Variants in IGSF21 observed in about 807,000 individuals in gnomAD.
IGSF21 encodes the protein immunoglobulin superfamily member 21.
A neutral mutation model predicts 46.8 loss-of-function variants in IGSF21; 28 were observed. The observed-to-expected ratio is 0.60, with a 90% CI of 0.44 to 0.82. IGSF21 has a LOEUF of 0.82. Among genes scored for constraint, IGSF21 ranks in the 40% least tolerant of loss-of-function variants. IGSF21 has a pLI of 0.00. For missense variants in IGSF21, 624 were observed against 665.5 expected, an observed-to-expected ratio of 0.94 and a Z score of 0.69; for synonymous variants, 284 against 273.6, an observed-to-expected ratio of 1.04 and a Z score of -0.38.
chr1:18,117,922 G>T (rs76523153), intron 1 of IGSF21, among the ~76,000 whole-genome samples: 2 of 152,176 alleles, frequency 1.3e-5, no homozygotes, highest in African/African-American at 2.4e-5. Context: ...AGCATGATGT[G>T]GGGGGCAGGT....
At chr1:18,357,170 A>G (rs900644029) in intron 4 of IGSF21, among the ~76,000 whole-genome samples, 1 of 130,156 alleles carries the variant, frequency 7.7e-6, no homozygotes, top group African/African-American at 2.9e-5. Flanking sequence ...GGGGATAAAG[A>G]TGGGGGAAGA....
Position 18,108,099 on chromosome 1 carries a change from C to A in IGSF21, c.-30C>A. On this transcript the variant is annotated 5_prime_UTR_variant, in exon 1 of 10. Coordinates refer to ENST00000251296, the MANE Select transcript of IGSF21 (RefSeq NM_032880.5). The stretch of plus-strand genomic sequence containing the variant: ...GCCGCCACCGCCTCCACCCCCGCCG[C>A]CCCGCCACCGCCGCCAGCTCCCGGG... 1 of 1,186,668 alleles carries A rather than the reference C, an allele frequency of 8.4e-7. No homozygotes were observed. Among genetic ancestry groups the A allele is most frequent in the South Asian group, 1.6e-5 (1 of 61,016 alleles). The allele number at this position is 1,186,668 out of a possible 1,614,324, so 73.5% of individuals were successfully genotyped here.
At chr1:18,234,249 A>T (rs1207458524) in intron 2 of IGSF21, among the ~76,000 whole-genome samples, 1 of 152,208 alleles carries the variant, frequency 6.6e-6, no homozygotes, top group Admixed American at 6.5e-5. Flanking sequence ...AGCCAACCCA[A>T]CTTGCCTTGT....
intron 4 of IGSF21, among the ~76,000 whole-genome samples, chr1:18,339,599 C>T (rs1569841010): frequency 6.6e-6 from 1 of 152,020 alleles, no homozygotes. Context: ...GTGGTATGTG[C>T]CTGTAGTCCC....
At chr1:18,216,482 T>A (rs567148223) in intron 1 of IGSF21, among the ~76,000 whole-genome samples, 2 of 152,130 alleles carry the variant, frequency 1.3e-5, no homozygotes, top group Non-Finnish European at 2.9e-5. Flanking sequence ...TTTAGGGGGC[T>A]GGGTACCTTA....
intron 3 of IGSF21, among the ~76,000 whole-genome samples, chr1:18,311,851 A>G (rs1174928745): frequency 1.3e-5 from 2 of 152,168 alleles, no homozygotes; most frequent in African/African-American, 2.4e-5. Context: ...CCATGATTCA[A>G]TTATTTCCCA....
chr1:18,122,623 C>CT (rs1025219600), intron 1 of IGSF21, among the ~76,000 whole-genome samples: 1,513 of 132,976 alleles, frequency 0.011, 17 homozygotes, highest in African/African-American at 0.02. Flanking sequence ...GATTTTTTTT[C>CT]TTTTTTTTTT....
At chr1:18,377,983 G>A (rs1164336084) in intron 9 of IGSF21, among the ~76,000 whole-genome samples, 1 of 152,130 alleles carries the variant, frequency 6.6e-6, no homozygotes, top group East Asian at 1.9e-4. Flanking sequence ...TCCCTACATG[G>A]AGCCAATCTC....
chr1:18,151,367 C>G (rs1161316491), intron 1 of IGSF21, among the ~76,000 whole-genome samples: 2 of 152,370 alleles, frequency 1.3e-5, no homozygotes, highest in Non-Finnish European at 1.5e-5. Context: ...GGGGGCCCAG[C>G]CTCTTTCATT....
At chr1:18,167,572 C>T (rs2124453592) in intron 1 of IGSF21, among the ~76,000 whole-genome samples, 1 of 152,256 alleles carries the variant, frequency 6.6e-6, no homozygotes, top group African/African-American at 2.4e-5. Context: ...ACCTGCCTTG[C>T]CAAGTTCCCT....
chr1:18,173,643 G>A (rs1427168774), intron 1 of IGSF21, among the ~76,000 whole-genome samples: 3 of 152,230 alleles, frequency 2.0e-5, no homozygotes, highest in South Asian at 4.1e-4. Context: ...GTGGTTACAC[G>A]GACCACTCGT....
intron 1 of IGSF21, among the ~76,000 whole-genome samples, chr1:18,221,353 G>T (rs1010352078): frequency 6.6e-6 from 1 of 152,262 alleles, no homozygotes; most frequent in South Asian, 2.1e-4. Flanking sequence ...GGGACATGTG[G>T]TGACTCTAAC....
intron 1 of IGSF21, among the ~76,000 whole-genome samples, chr1:18,197,392 C>CTTGGAT (rs1198539007): frequency 6.6e-6 from 1 of 152,210 alleles, no homozygotes; most frequent in Non-Finnish European, 1.5e-5. Flanking sequence ...TCCATCAGCC[C>CTTGGAT]ACAGTAAGCT....
intron 4 of IGSF21, among the ~76,000 whole-genome samples, chr1:18,356,091 T>G (rs1220797700): frequency 6.6e-6 from 1 of 152,200 alleles, no homozygotes; most frequent in African/African-American, 2.4e-5. Flanking sequence ...TTCCTCAGCC[T>G]CCCAGAGTCC....
chr1:18,213,882 T>A (rs1334490679), intron 1 of IGSF21, among the ~76,000 whole-genome samples: 1 of 152,048 alleles, frequency 6.6e-6, no homozygotes, highest in Non-Finnish European at 1.5e-5. Flanking sequence ...CTCATCACCT[T>A]CCCTGCCCAA....
intron 1 of IGSF21, among the ~76,000 whole-genome samples, chr1:18,151,321 G>A (rs2086520229): frequency 6.6e-6 from 1 of 152,200 alleles, no homozygotes; most frequent in African/African-American, 2.4e-5. Flanking sequence ...CCTGGTCAGA[G>A]GCTCCCCTGA....
intron 1 of IGSF21, among the ~76,000 whole-genome samples, chr1:18,168,976 A>C (rs899851009): frequency 4.6e-5 from 7 of 152,216 alleles, no homozygotes; most frequent in Non-Finnish European, 8.8e-5. Flanking sequence ...CTTTGAAATC[A>C]GGAGTAGGGG....
chr1:18,374,849 C>A (rs191054859), intron 6 of IGSF21, among the ~76,000 whole-genome samples: 28 of 152,246 alleles, frequency 1.8e-4, no homozygotes, highest in East Asian at 1.6e-3. Context: ...TCAGGACAAA[C>A]CTTTTCCACC....
At chr1:18,358,961 C>G (rs1400596320) in intron 4 of IGSF21, among the ~76,000 whole-genome samples, 1 of 152,138 alleles carries the variant, frequency 6.6e-6, no homozygotes, top group Non-Finnish European at 1.5e-5. Flanking sequence ...CACATTTACT[C>G]TTCAAAGCAA....
Sources: gnomAD v4.1 joint callset for allele counts (sites outside exome capture counted in the v4.1 genomes callset) on GRCh38, gnomAD v4.1.1 for gene constraint, MANE v1.5 for transcripts, NCBI Gene and HGNC (gene_info 2026-07-23, HGNC 2026-07-21) for gene names.